The following CCDC159 variants were observed in gnomAD, a reference collection of about 807,000 sequenced individuals.
CCDC159 encodes coiled-coil domain containing 159.
A neutral mutation model predicts 50.9 loss-of-function variants in CCDC159; 40 were observed. That is an observed-to-expected ratio of 0.79 (90% CI 0.61 to 1.02). The LOEUF (loss-of-function observed/expected upper bound fraction) is 1.02. Ranked by LOEUF, CCDC159 falls within the 50% of genes least tolerant of loss-of-function variation. The pLI, the probability that CCDC159 is intolerant of heterozygous loss-of-function variation, is 0.00. For synonymous variants in CCDC159, 146 were observed against 138.9 expected (o/e 1.05, Z -0.36); for missense variants, 356 against 371.5 (o/e 0.96, Z 0.34).
chr19:11,346,530 T>A lies in CCDC159; in HGVS notation c.-77T>A, dbSNP rs1967239932. On this transcript the variant is annotated 5_prime_UTR_variant, in exon 1 of 11. Transcript: ENST00000458408. Reference sequence around the variant, plus strand: ...ACACCCCTCTCTGTGACTCAGTCTCTGAGCGTTTTAATACGATGGTGTCCC... The same window carrying A: ...ACACCCCTCTCTGTGACTCAGTCTCAGAGCGTTTTAATACGATGGTGTCCC... 7 of 1,514,478 alleles carry A rather than the reference T, an allele frequency of 4.6e-6. No individual in the cohort carries two copies. The highest frequency in any genetic ancestry group is 5.4e-6 in the Non-Finnish European group (6 of 1,113,500). The allele number at this position is 1,514,478 out of a possible 1,614,324, so 93.8% of individuals were successfully genotyped here.
At position 11,353,817 on chromosome 19, in the gene CCDC159, T is replaced by G. The variant is rs1330649350; in HGVS notation, c.715T>G (p.Ser239Ala). Residue 239 changes from serine to alanine, a missense_variant, in exon 9 of 11, where the codon TCC (serine) becomes GCC (alanine). Transcript: ENST00000458408. ...IWSAVHVLQN[S>A]IDSLTLCSGA... is the part of the protein sequence containing the mutation. Reference sequence around the variant, plus strand: ...GTCTGCTGTGCACGTGCTGCAGAACTCCATAGACAGCCTCACTTTGTGCTC... The same window carrying G: ...GTCTGCTGTGCACGTGCTGCAGAACGCCATAGACAGCCTCACTTTGTGCTC... 6.3e-7 allele frequency: 1 copy of G among 1,598,694 alleles called. No individual in the cohort carries two copies.
rs569832224 is a variant in CCDC159 at position 11,353,897 on chromosome 19, CAG to C, written c.772+24_772+25del. The C allele has an allele frequency of 3.2e-6, 5 of 1,540,554 alleles. No individual in the cohort carries two copies. In the South Asian group the frequency reaches 4.9e-5, roughly 15 times the overall value. On this transcript the variant is annotated intron_variant, in intron 9 of 10. Coordinates refer to ENST00000458408, the MANE Select transcript of CCDC159 (RefSeq NM_001080503.3). Reference sequence around the variant, plus strand: ...GAGGTGAGGGAGGCTGAGAATTGCTCAGGGGTGGGAGGTCATTGTCTAGCTTC... The same window carrying C: ...GAGGTGAGGGAGGCTGAGAATTGCTCGGGTGGGAGGTCATTGTCTAGCTTC...
chr19:11,351,117 G>A (rs1224346706), intron 5 of CCDC159, 114 bp downstream of exon 5: 1 of 1,097,436 alleles, frequency 9.1e-7, no homozygotes, highest in South Asian at 1.6e-5. Context: ...GGGGACTGAG[G>A]GATGGTGGAA....
At chr19:11,352,278 C>T in intron 7 of CCDC159, 145 bp downstream of exon 7, 1 of 749,506 alleles carries the variant, frequency 1.3e-6, no homozygotes, top group Non-Finnish European at 2.2e-6. Context: ...AGTCACTTGA[C>T]CTCTCTGAGC....
chr19:11,350,598 C>T (rs530010471), intron 4 of CCDC159, among the ~76,000 whole-genome samples: 2 of 152,132 alleles, frequency 1.3e-5, no homozygotes, highest in African/African-American at 2.4e-5. Context: ...TGCAGTGAGC[C>T]GAGATCACGC....
chr19:11,350,182 A>G lies in CCDC159; in HGVS notation c.209A>G (p.Lys70Arg). The G allele has an allele frequency of 1.2e-6, 2 of 1,612,028 alleles. No homozygotes were observed. Among genetic ancestry groups the G allele is most frequent in the South Asian group, 1.1e-5 (1 of 90,640 alleles). ...LEKESCLQQIKIQQLEEVLSP... is the reference protein window; with the variant it reads ...LEKESCLQQIRIQQLEEVLSP... ...AAGGAGAGCTGCTTGCAGCAAATCA[A>G]GATTCAGCAGCTTGAAGGTGAGGAC... The change falls in exon 4 of 11, where the codon AAG becomes AGG. Residue 70 changes from lysine to arginine, a missense_variant. Coordinates refer to ENST00000458408, the MANE Select transcript of CCDC159 (RefSeq NM_001080503.3).
rs2144608150 is a variant in CCDC159, at chr19:11,346,551, G to A, written c.-56G>A. 1 of 1,545,980 alleles carries A rather than the reference G, an allele frequency of 6.5e-7. No individual in the cohort carries two copies. The highest frequency in any genetic ancestry group is 8.8e-7 in the Non-Finnish European group (1 of 1,141,916). On this transcript the variant is annotated 5_prime_UTR_variant, in exon 1 of 11. Coordinates refer to ENST00000458408, the MANE Select transcript of CCDC159 (RefSeq NM_001080503.3). ...TCTCTGAGCGTTTTAATACGATGGT[G>A]TCCCCGCGGGATCAAACTTCAGCGT... is the stretch of plus-strand genomic sequence containing the variant.
chr19:11,352,086 TTGG>T lies in CCDC159; in HGVS notation c.523_525del (p.Val175del). 6.2e-7 allele frequency: 1 copy of T among 1,613,698 alleles called. No individual in the cohort carries two copies. The highest frequency in any genetic ancestry group is 8.5e-7 in the Non-Finnish European group (1 of 1,179,788). ...GCAGGAGGATGAGATCTCAGAGAAC[TTGG>T]TGAACATTCAGAAAATGCAGAAAAC... On this transcript the variant is annotated inframe_deletion, in exon 7 of 11. Transcript: ENST00000458408.
chr19:11,354,937 C>T lies in CCDC159; in HGVS notation c.*60C>T, dbSNP rs1316727799. 1.3e-6 allele frequency: 2 copies of T among 1,562,468 alleles called. No homozygotes were observed. Among genetic ancestry groups the T allele is most frequent in the African/African-American group, 1.4e-5 (1 of 73,930 alleles). On this transcript the variant is annotated 3_prime_UTR_variant, in exon 11 of 11. Transcript: ENST00000458408. The stretch of plus-strand genomic sequence containing the variant: ...GAGAGAAAATAAACTAGCCCAGACC[C>T]TCCTCTAGCCCCGACTGTTAGTCTT...
chr19:11,354,456 G>C, intron 9 of CCDC159, 124 bp from the exon 10 acceptor site: 1 of 906,760 alleles, frequency 1.1e-6, no homozygotes. Context: ...TGTCACACTG[G>C]ATCACATTCA....
chr19:11,353,796 G>T lies in CCDC159; in HGVS notation c.694G>T (p.Ala232Ser). 6.3e-7 allele frequency: 1 copy of T among 1,595,654 alleles called. No individual in the cohort carries two copies. Among genetic ancestry groups the T allele is most frequent in the Non-Finnish European group, 8.5e-7 (1 of 1,171,172 alleles). ...CAGCTCCTTGTCTTCTTGCAGGTCT[G>T]CTGTGCACGTGCTGCAGAACTCCAT... ...LQKELSDIWS[A>S]VHVLQNSIDS... is the part of the protein sequence containing the mutation. Residue 232 changes from alanine (A) to serine (S), a missense_variant, in exon 9 of 11, where the codon GCT becomes TCT. Ala to Ser is a moderately conservative substitution (Grantham distance 99). Transcript: ENST00000458408.
At chr19:11,350,226 AG>A (rs1288959983) in intron 4 of CCDC159, 27 bp downstream of exon 4, 1 of 1,588,640 alleles carries the variant, frequency 6.3e-7, no homozygotes, top group Non-Finnish European at 8.6e-7. Context: ...GATCAAGGTC[AG>A]GCTAGGCCAG....
At chr19:11,353,163 C>T (rs1376211324) in intron 7 of CCDC159, among the ~76,000 whole-genome samples, 2 of 151,994 alleles carry the variant, frequency 1.3e-5, no homozygotes, top group African/African-American at 4.8e-5. Flanking sequence ...TGCAATGGCG[C>T]GATCTCAACT....
Position 11,351,019 on chromosome 19 carries a change from A to AG in CCDC159, c.422+19dup, listed in dbSNP as rs746146602. ...TCCGGGACAGGTCGGGGATGGCGGG[A>AG]GGGCAGCTTGGAGTCCACAGGAGGG... On this transcript the variant is annotated intron_variant, in intron 5 of 10. Coordinates refer to ENST00000458408, the MANE Select transcript of CCDC159 (RefSeq NM_001080503.3). 6.6e-7 allele frequency: 1 copy of AG among 1,510,134 alleles called. No homozygotes were observed. The highest frequency in any genetic ancestry group is 1.2e-5 in the South Asian group (1 of 81,414). The allele number at this position is 1,510,134 out of a possible 1,614,324, so 93.5% of individuals were successfully genotyped here.
At chr19:11,353,425 T>G in intron 7 of CCDC159, 26 bp from the exon 8 acceptor site, 1 of 1,548,342 alleles carries the variant, frequency 6.5e-7, no homozygotes, top group Non-Finnish European at 8.7e-7. Flanking sequence ...TTATGACTGC[T>G]GTTCTCTCAT....
At chr19:11,349,616 G>A in intron 1 of CCDC159, 38 bp from the exon 2 acceptor site, 1 of 1,611,104 alleles carries the variant, frequency 6.2e-7, no homozygotes, top group South Asian at 1.1e-5. Context: ...GGCAGCTCAG[G>A]GACAAATTTC....
At chr19:11,350,691 C>A in intron 4 of CCDC159, 117 bp from the exon 5 acceptor site, 1 of 995,324 alleles carries the variant, frequency 1.0e-6, no homozygotes, top group Non-Finnish European at 1.4e-6. Flanking sequence ...CTGTTGGGAT[C>A]AGCTGGGCCA....
At chr19:11,353,038 C>G (rs1443314807) in intron 7 of CCDC159, among the ~76,000 whole-genome samples, 2 of 152,110 alleles carry the variant, frequency 1.3e-5, no homozygotes, top group Non-Finnish European at 2.9e-5. Context: ...CACTTGAATG[C>G]AGTCTGGCAT....
In CCDC159 at chr19:11,354,881, G is replaced by A; in HGVS notation, c.*4G>A. 1 of 1,613,532 alleles carries A rather than the reference G, an allele frequency of 6.2e-7. No homozygotes were observed. Among genetic ancestry groups the A allele is most frequent in the Non-Finnish European group, 8.5e-7 (1 of 1,179,846 alleles). ...ACCCTCTCTCTCCACAGCTTGAGCA[G>A]CCGGGACTGCTCTCCCTGAAGACCC... On this transcript the variant is annotated 3_prime_UTR_variant, in exon 11 of 11. Transcript: ENST00000458408.
Sources: gnomAD v4.1 joint callset for allele counts (sites outside exome capture counted in the v4.1 genomes callset) on GRCh38, gnomAD v4.1.1 for gene constraint, MANE v1.5 for transcripts, NCBI Gene and HGNC (gene_info 2026-07-23, HGNC 2026-07-21) for gene names.